The following ARRB1 variants were observed in gnomAD, a reference collection of about 807,000 sequenced individuals.
ARRB1 encodes arrestin beta 1.
A neutral mutation model predicts 56.8 loss-of-function variants in ARRB1; 21 were observed. The ratio of observed to expected loss-of-function variants is 0.37; its 90% CI spans 0.26 to 0.53. The LOEUF (loss-of-function observed/expected upper bound fraction) is 0.53. Ranked by LOEUF, ARRB1 falls within the 20% of genes least tolerant of loss-of-function variation. ARRB1 has a pLI of 0.88. For synonymous variants in ARRB1, 210 were observed against 218.6 expected (o/e 0.96, Z 0.35); for missense variants, 424 against 553.7 (o/e 0.77, Z 2.35).
At chr11:75,312,086 CCTT>C (rs1288913273) in intron 1 of ARRB1, 3 of 1,289,350 alleles carry the variant, frequency 2.3e-6, no homozygotes, top group Non-Finnish European at 3.0e-6. Context: ...CTGCAAGTCT[CCTT>C]CCATGGCCTC....
chr11:75,323,404 C>T (rs961742130), intron 1 of ARRB1, among the ~76,000 whole-genome samples: 9 of 152,030 alleles, frequency 5.9e-5, no homozygotes, highest in African/African-American at 1.4e-4. Flanking sequence ...GGATCACTTG[C>T]GGTCAGGAGC....
At chr11:75,306,907 T>C (rs1032082914) in intron 1 of ARRB1, among the ~76,000 whole-genome samples, 6 of 152,232 alleles carry the variant, frequency 3.9e-5, no homozygotes, top group Admixed American at 3.9e-4. Context: ...CCACTTTCCA[T>C]TCCAGCAGTC....
rs373285489 is a variant in ARRB1, at chr11:75,281,032, T to G, written c.482+43A>C. ...TTGGACTTTGCCCATCCTGTCTCCC[T>G]CCCTCACCCAGCAGGCGGCCCACAC... is the stretch of plus-strand genomic sequence containing the variant. On this transcript the variant is annotated intron_variant, in intron 7 of 15. Coordinates refer to ENST00000420843, the MANE Select transcript of ARRB1 (RefSeq NM_004041.5). The G allele has an allele frequency of 7.1e-5, 111 of 1,573,582 alleles. No homozygotes were observed. The African/African-American group carries it at 1.4e-3, about 20-fold the overall frequency.
chr11:75,283,875 T>C (rs1946413836), intron 4 of ARRB1, among the ~76,000 whole-genome samples: 1 of 152,108 alleles, frequency 6.6e-6, no homozygotes, highest in Non-Finnish European at 1.5e-5. Flanking sequence ...GGGTGGTATC[T>C]GGACGGCAAG....
chr11:75,271,389 T>A (rs1946071353), intron 13 of ARRB1: 1 of 276,288 alleles, frequency 3.6e-6, no homozygotes, highest in African/African-American at 2.2e-5. Flanking sequence ...AGCCATGAAG[T>A]CTGCATTTCT....
intron 1 of ARRB1, among the ~76,000 whole-genome samples, chr11:75,341,238 A>G (rs953855729): frequency 6.6e-6 from 1 of 152,140 alleles, no homozygotes; most frequent in Non-Finnish European, 1.5e-5. Flanking sequence ...CCCGGGTCCA[A>G]GCAATCCTCC....
intron 1 of ARRB1, among the ~76,000 whole-genome samples, chr11:75,340,778 AG>A (rs1947681285): frequency 6.6e-6 from 1 of 152,152 alleles, no homozygotes. Flanking sequence ...GTTAAGAAAG[AG>A]GAGCCTGGGG....
chr11:75,322,298 G>T (rs1251338002), intron 1 of ARRB1, among the ~76,000 whole-genome samples: 1 of 152,226 alleles, frequency 6.6e-6, no homozygotes, highest in Non-Finnish European at 1.5e-5. Flanking sequence ...CTGAGGTCAG[G>T]AGTTCGAGAC....
chr11:75,274,514 G>T (rs1326064403), intron 10 of ARRB1: 2 of 264,358 alleles, frequency 7.6e-6, no homozygotes, highest in South Asian at 6.9e-5. Flanking sequence ...ACAGCCAGCC[G>T]GGTGCAGTGG....
chr11:75,270,627 A>T (rs1415187877), intron 13 of ARRB1, among the ~76,000 whole-genome samples: 1 of 134,786 alleles, frequency 7.4e-6, no homozygotes. Context: ...ATTCTGTCTC[A>T]AAAAAAAAAA....
At chr11:75,285,163 G>A (rs1946440822) in intron 3 of ARRB1, among the ~76,000 whole-genome samples, 1 of 152,208 alleles carries the variant, frequency 6.6e-6, no homozygotes, top group Non-Finnish European at 1.5e-5. Flanking sequence ...GTGGATTGGG[G>A]GTTGTGATCT....
intron 1 of ARRB1, among the ~76,000 whole-genome samples, chr11:75,334,810 G>A (rs1947576947): frequency 6.6e-6 from 1 of 152,138 alleles, no homozygotes; most frequent in Non-Finnish European, 1.5e-5. Flanking sequence ...CTCTGCTGTG[G>A]GATGAGAGCC....
chr11:75,341,165 TCTCA>T (rs1313282753), intron 1 of ARRB1, among the ~76,000 whole-genome samples: 2 of 151,756 alleles, frequency 1.3e-5, no homozygotes, highest in Admixed American at 6.6e-5. Context: ...TGAGACAGAG[TCTCA>T]CTCTGTCACT....
At chr11:75,306,081 G>A (rs944769051) in intron 1 of ARRB1, among the ~76,000 whole-genome samples, 1 of 152,048 alleles carries the variant, frequency 6.6e-6, no homozygotes, top group Non-Finnish European at 1.5e-5. Context: ...CTCACAAGAA[G>A]CACCAAACCC....
chr11:75,339,682 C>A (rs1320559522), intron 1 of ARRB1, among the ~76,000 whole-genome samples: 1 of 152,222 alleles, frequency 6.6e-6, no homozygotes, highest in African/African-American at 2.4e-5. Flanking sequence ...GCCCACTACC[C>A]CTCTTCTGGC....
At chr11:75,281,020 A>T in intron 7 of ARRB1, 55 bp downstream of exon 7, 1 of 1,556,342 alleles carries the variant, frequency 6.4e-7, no homozygotes, top group Non-Finnish European at 8.7e-7. Flanking sequence ...GACTTTGCCC[A>T]TCCTGTCTCC....
chr11:75,277,519 A>ATC, intron 8 of ARRB1, 71 bp from the exon 9 acceptor site: 1 of 1,386,144 alleles, frequency 7.2e-7, no homozygotes, highest in East Asian at 2.3e-5. Context: ...GAGGGAGAAA[A>ATC]GCCCCCACGC....
At chr11:75,286,674 T>C (rs1789687) in intron 3 of ARRB1, among the ~76,000 whole-genome samples, 141,605 of 152,210 alleles carry the variant, frequency 0.93, 65,997 homozygotes, top group African/African-American at 0.96. Flanking sequence ...CAGGCCACAC[T>C]AACAAAGAAC....
rs1221417523 is a variant in ARRB1 at position 75,274,414 on chromosome 11, T to A, written c.777-203A>T. On this transcript the variant is annotated intron_variant, in intron 10 of 15. Transcript: ENST00000420843. ...ACTCAAAAGAGGCACATCTACATTCTACGCACAAACAGGACTGAATCTCGG... is the reference window on the plus strand; with the variant it reads ...ACTCAAAAGAGGCACATCTACATTCAACGCACAAACAGGACTGAATCTCGG... 1.0e-5 allele frequency: 6 copies of A among 591,828 alleles called. No individual in the cohort carries two copies. In the East Asian group the frequency reaches 1.4e-4, roughly 14 times the overall value. 36.7% of individuals were successfully genotyped at this position (591,828 alleles called of 1,614,324 possible).
Sources: gnomAD v4.1 joint callset for allele counts (sites outside exome capture counted in the v4.1 genomes callset) on GRCh38, gnomAD v4.1.1 for gene constraint, MANE v1.5 for transcripts, NCBI Gene and HGNC (gene_info 2026-07-23, HGNC 2026-07-21) for gene names.